The following ROBO1 variants were observed in gnomAD, a reference collection of about 807,000 sequenced individuals.
The protein encoded by ROBO1 is roundabout guidance receptor 1.
Under a neutral mutation model 195.9 loss-of-function variants are expected in ROBO1, and 149 were observed. That is an observed-to-expected ratio of 0.76 (90% CI 0.67 to 0.87). ROBO1 has a LOEUF of 0.87. Among genes scored for constraint, ROBO1 ranks in the 40% least tolerant of loss-of-function variants. The probability of loss-of-function intolerance (pLI) is 0.00; values close to 1 mark genes in which losing one functional copy is unlikely to be tolerated. For missense variants in ROBO1, 1,933 were observed against 2,068.3 expected (o/e 0.93, Z 1.27); for synonymous variants, 816 against 733.2 (o/e 1.11, Z -1.82).
At chr3:78,668,353 T>G (rs1707860681) in intron 12 of ROBO1, 51 bp from the exon 13 acceptor site, 1 of 1,604,998 alleles carries the variant, frequency 6.2e-7, no homozygotes, top group Non-Finnish European at 8.5e-7. Context: ...CATACACAGA[T>G]AAGCGGATAA....
chr3:79,635,856 T>C (rs2108046079), intron 1 of ROBO1, among the ~76,000 whole-genome samples: 1 of 152,300 alleles, frequency 6.6e-6, no homozygotes, highest in Admixed American at 6.5e-5. Flanking sequence ...TAGATTCCTG[T>C]AACCAAATTA....
chr3:78,790,476 T>C (rs1442843691), intron 4 of ROBO1, among the ~76,000 whole-genome samples: 1 of 152,196 alleles, frequency 6.6e-6, no homozygotes, highest in Non-Finnish European at 1.5e-5. Context: ...ACAATCCAGT[T>C]ATACTCTCTT....
chr3:78,856,040 C>T (rs1488902543), intron 4 of ROBO1, among the ~76,000 whole-genome samples: 5 of 151,160 alleles, frequency 3.3e-5, no homozygotes, highest in Non-Finnish European at 5.9e-5. Context: ...TGACACACTA[C>T]CAGAACTTTC....
intron 18 of ROBO1, among the ~76,000 whole-genome samples, chr3:78,656,728 C>A (rs1358553477): frequency 6.6e-6 from 1 of 152,018 alleles, no homozygotes; most frequent in Non-Finnish European, 1.5e-5. Context: ...CGGAGGTATC[C>A]TTGGTGCTCA....
At position 78,636,000 on chromosome 3, in the gene ROBO1, T is replaced by G. The variant is rs767449963; in HGVS notation, c.3146A>C (p.Glu1049Ala). 6.2e-7 allele frequency: 1 copy of G among 1,613,828 alleles called. No homozygotes were observed. Among genetic ancestry groups the G allele is most frequent in the African/African-American group, 1.3e-5 (1 of 74,916 alleles). ...GDVDLSNKIN[E>A]MKTFNSPNLK... ...ATTTGGGCTATTGAAGGTTTTCATC[T>G]CATTGATTTTGTTACTAAGGTCCAC... The change falls in exon 23 of 31, where the codon GAG becomes GCG. Residue 1049 changes from glutamate to alanine, a missense_variant. By Grantham distance (107) the Glu-to-Ala change is moderately radical. This residue lies in a region of ROBO1 where 1,737 missense variants were observed against 1,882.5 expected (regional missense o/e 0.92). Coordinates refer to ENST00000464233, the MANE Select transcript of ROBO1 (RefSeq NM_002941.4).
At chr3:79,728,323 T>G (rs1200477448) in intron 1 of ROBO1, among the ~76,000 whole-genome samples, 2 of 152,128 alleles carry the variant, frequency 1.3e-5, no homozygotes, top group Admixed American at 1.3e-4. Flanking sequence ...TTCCTCAGAA[T>G]TTCAGCAGCA....
intron 2 of ROBO1, among the ~76,000 whole-genome samples, chr3:79,300,544 G>T (rs925607153): frequency 5.9e-5 from 9 of 152,190 alleles, no homozygotes; most frequent in Non-Finnish European, 1.2e-4. Context: ...TCCCCACTGA[G>T]CGCTGACCCC....
intron 3 of ROBO1, among the ~76,000 whole-genome samples, chr3:78,982,771 G>A (rs2107998181): frequency 6.6e-6 from 1 of 152,146 alleles, no homozygotes; most frequent in South Asian, 2.1e-4. Context: ...TGGGATTACA[G>A]GCATGCACCA....
At chr3:79,234,273 A>C (rs2082370988) in intron 2 of ROBO1, among the ~76,000 whole-genome samples, 1 of 152,118 alleles carries the variant, frequency 6.6e-6, no homozygotes, top group Non-Finnish European at 1.5e-5. Context: ...GCCAATGTGC[A>C]GAATGATTTT....
chr3:79,177,677 AT>A (rs1342440761), intron 2 of ROBO1, among the ~76,000 whole-genome samples: 2 of 152,236 alleles, frequency 1.3e-5, no homozygotes, highest in African/African-American at 4.8e-5. Context: ...TTTCCCATAA[AT>A]TGAACATGGC....
At chr3:79,617,820 CAAAAAAA>C (rs60181598) in intron 1 of ROBO1, among the ~76,000 whole-genome samples, 1 of 57,914 alleles carries the variant, frequency 1.7e-5, no homozygotes, top group African/African-American at 7.6e-5. Context: ...GACTCTGTCT[CAAAAAAA>C]AAAAAAAAAA....
At chr3:78,920,027 T>C (rs6800782) in intron 4 of ROBO1, among the ~76,000 whole-genome samples, 47,440 of 152,128 alleles carry the variant, frequency 0.31, 7,505 homozygotes, top group African/African-American at 0.34. Context: ...ATTGTACTGA[T>C]TGTTATCTAT....
chr3:78,652,027 T>A, intron 18 of ROBO1, 98 bp from the exon 19 acceptor site: 1 of 978,144 alleles, frequency 1.0e-6, no homozygotes, highest in Non-Finnish European at 1.5e-6. Context: ...TTCTGGATAA[T>A]GATTTCTGTT....
chr3:78,959,155 T>A (rs2041209369), intron 3 of ROBO1, among the ~76,000 whole-genome samples: 1 of 151,840 alleles, frequency 6.6e-6, no homozygotes, highest in African/African-American at 2.4e-5. Context: ...AAATATCCCA[T>A]CAAAAAAAAT....
chr3:79,156,060 G>A (rs561365945), intron 2 of ROBO1, among the ~76,000 whole-genome samples: 1 of 151,676 alleles, frequency 6.6e-6, no homozygotes, highest in East Asian at 2.0e-4. Flanking sequence ...CCAGAGGGTC[G>A]TTCACTCCTA....
intron 2 of ROBO1, among the ~76,000 whole-genome samples, chr3:79,180,816 G>A (rs1238759720): frequency 1.3e-5 from 2 of 152,124 alleles, no homozygotes; most frequent in Admixed American, 6.5e-5. Context: ...CTCCAGGGAA[G>A]TAACTATGGC....
At chr3:78,852,804 C>T (rs1453663942) in intron 4 of ROBO1, among the ~76,000 whole-genome samples, 2 of 152,084 alleles carry the variant, frequency 1.3e-5, no homozygotes, top group Non-Finnish European at 2.9e-5. Context: ...AACTGTGTGA[C>T]AAACACAGTT....
chr3:79,112,479 A>C (rs530291157), intron 3 of ROBO1, among the ~76,000 whole-genome samples: 1 of 152,292 alleles, frequency 6.6e-6, no homozygotes, highest in South Asian at 2.1e-4. Context: ...TCAGAGACAA[A>C]GCAAACATAG....
chr3:79,309,365 T>C (rs1044954856), intron 2 of ROBO1, among the ~76,000 whole-genome samples: 32 of 152,248 alleles, frequency 2.1e-4, no homozygotes, highest in African/African-American at 7.5e-4. Flanking sequence ...GCTCAGAAGT[T>C]CGAGACCAGC....
Sources: gnomAD v4.1 joint callset for allele counts (sites outside exome capture counted in the v4.1 genomes callset) on GRCh38, gnomAD v4.1.1 for gene constraint, gnomAD v4.1.1 regional missense constraint, MANE v1.5 for transcripts, NCBI Gene and HGNC (gene_info 2026-07-23, HGNC 2026-07-21) for gene names.